The following JAKMIP1 variants were observed in gnomAD, a reference collection of about 807,000 sequenced individuals.
JAKMIP1 encodes janus kinase and microtubule-interacting protein 1.
A neutral mutation model predicts 113.0 loss-of-function variants in JAKMIP1; 33 were observed. That is an observed-to-expected ratio of 0.29 (90% confidence interval 0.22 to 0.39). The LOEUF (loss-of-function observed/expected upper bound fraction) is 0.39. JAKMIP1 is among the 10% of genes least tolerant of loss of function. The pLI is 1.00. For synonymous variants in JAKMIP1, 480 were observed against 459.9 expected (o/e 1.04, Z -0.56); for missense variants, 813 against 1,080.5 (o/e 0.75, Z 3.47).
rs146164467 is a variant in JAKMIP1 at position 6,068,597 on chromosome 4, G to A, written c.1303-3589C>T. ...TTTTGAGACAGAATCTCCTTCTGTCGCCCAGGCTGGAGAGCAGTAGTGCAA... is the reference window on the plus strand; with the variant it reads ...TTTTGAGACAGAATCTCCTTCTGTCACCCAGGCTGGAGAGCAGTAGTGCAA... On this transcript the variant is annotated intron_variant, in intron 8 of 20. Coordinates refer to ENST00000409021, the MANE Select transcript of JAKMIP1 (RefSeq NM_001099433.2). Among the ~76,000 whole-genome samples the A allele has an allele frequency of 8.1e-3, 1,097 of 135,482 alleles. 19 individuals carry two copies. The highest frequency in any genetic ancestry group is 0.03 in the African/African-American group (1,054 of 35,142). The allele number at this position is 135,482 out of a possible 152,430, so 88.9% of individuals were successfully genotyped here.
At position 6,184,369 on chromosome 4, in the gene JAKMIP1, C is replaced by G. The variant is rs1726401028; in HGVS notation, c.-148+15884G>C. Among the ~76,000 whole-genome samples the G allele has an allele frequency of 1.3e-5, 2 of 152,204 alleles. No individual in the cohort carries two copies. The highest frequency in any genetic ancestry group is 2.9e-5 in the Non-Finnish European group (2 of 68,032). ...CGAACACACGCCTCCCTACTCCCAG[C>G]CCACTGCTGGTTTTCAGACTCTGCC... On this transcript the variant is annotated intron_variant, in intron 1 of 20. Transcript: ENST00000409021. The surrounding 1 kb of genome is among the most constrained non-coding windows in gnomAD (Gnocchi z 4.5).
intron 12 of JAKMIP1, among the ~76,000 whole-genome samples, chr4:6,054,417 C>T: frequency 6.6e-6 from 1 of 152,328 alleles, no homozygotes; most frequent in Non-Finnish European, 1.5e-5. Flanking sequence ...GGGCTACTTA[C>T]ATATTTGCTG....
chr4:6,168,613 A>G lies in JAKMIP1; in HGVS notation c.-148+31640T>C, dbSNP rs558473988. Among the ~76,000 whole-genome samples, 1 of 152,186 alleles carries G rather than the reference A, an allele frequency of 6.6e-6. No homozygotes were observed. The highest frequency in any genetic ancestry group is 1.5e-5 in the Non-Finnish European group (1 of 68,032). ...AATAGGGAAATCCATAGGGATGGCCAGGCACGGTGGCTCACACCTGTAATC... is the reference window on the plus strand; with the variant it reads ...AATAGGGAAATCCATAGGGATGGCCGGGCACGGTGGCTCACACCTGTAATC... On this transcript the variant is annotated intron_variant, in intron 1 of 20. Transcript: ENST00000409021. This position sits in a 1 kb window ranked among gnomAD's most constrained non-coding sequence, Gnocchi z 4.6.
Position 6,153,024 on chromosome 4 carries a change from A to C in JAKMIP1, c.-147-40027T>G, listed in dbSNP as rs1197708830. Reference sequence around the variant, plus strand: ...TTAGCCCCAATTCTAGGAAACCCACATCACCTTCCTGTTAACCTGAGCTCA... The same window carrying C: ...TTAGCCCCAATTCTAGGAAACCCACCTCACCTTCCTGTTAACCTGAGCTCA... On this transcript the variant is annotated intron_variant, in intron 1 of 20. Coordinates refer to ENST00000409021, the MANE Select transcript of JAKMIP1 (RefSeq NM_001099433.2). The surrounding 1 kb of genome is among the most constrained non-coding windows in gnomAD (Gnocchi z 4.9). Among the ~76,000 whole-genome samples the C allele has an allele frequency of 6.6e-6, 1 of 152,008 alleles. No homozygotes were observed. The highest frequency in any genetic ancestry group is 1.9e-4 in the East Asian group (1 of 5,174).
chr4:6,096,994 C>T (rs1418476162), intron 3 of JAKMIP1, among the ~76,000 whole-genome samples: 1 of 152,170 alleles, frequency 6.6e-6, no homozygotes, highest in African/African-American at 2.4e-5. Flanking sequence ...ACCATCATTC[C>T]TGACAATGAA....
At chr4:6,053,898 T>A (rs1363751097) in intron 13 of JAKMIP1, 152 bp downstream of exon 13, 28 of 1,192,344 alleles carry the variant, frequency 2.3e-5, no homozygotes, top group South Asian at 8.9e-5. Flanking sequence ...CATACAGATT[T>A]AAAAAAAAAA....
intron 1 of JAKMIP1, among the ~76,000 whole-genome samples, chr4:6,161,186 C>A (rs1347416140): frequency 1.3e-5 from 2 of 148,876 alleles, no homozygotes; most frequent in East Asian, 4.1e-4. Flanking sequence ...ACTCACCTCC[C>A]CTGATCTCCA....
In JAKMIP1 at chr4:6,071,409, C is replaced by T. The variant is rs139037015; in HGVS notation, c.1303-6401G>A. 6.5e-3 allele frequency among the ~76,000 whole-genome samples: 991 copies of T among 152,266 alleles called. 2 individuals are homozygous for T. The highest frequency in any genetic ancestry group is 7.8e-3 in the Non-Finnish European group (529 of 68,018). ...AACCTTTGCCTCAAGCCCCTCCCCA[C>T]GGGGCCTGAAGTCACCTCCTGAAAC... On this transcript the variant is annotated intron_variant, in intron 8 of 20. Coordinates refer to ENST00000409021, the MANE Select transcript of JAKMIP1 (RefSeq NM_001099433.2).
chr4:6,122,568 A>T (rs1179223769), intron 1 of JAKMIP1, among the ~76,000 whole-genome samples: 3 of 152,242 alleles, frequency 2.0e-5, no homozygotes, highest in Non-Finnish European at 2.9e-5. Flanking sequence ...TATGAAGAAA[A>T]ATAACATAAT....
Position 6,187,368 on chromosome 4 carries a change from A to C in JAKMIP1, c.-148+12885T>G, listed in dbSNP as rs751513444. On this transcript the variant is annotated intron_variant, in intron 1 of 20. Coordinates refer to ENST00000409021, the MANE Select transcript of JAKMIP1 (RefSeq NM_001099433.2). This position sits in a 1 kb window ranked among gnomAD's most constrained non-coding sequence, Gnocchi z 4.2. ...TTTCTCATCCTTTCACTTTCAATCT[A>C]TTTGTATCCTTGAATCTAAAGTGTG... Among the ~76,000 whole-genome samples, 2 of 152,016 alleles carry C rather than the reference A, an allele frequency of 1.3e-5. No homozygotes were observed. Among genetic ancestry groups the C allele is most frequent in the Non-Finnish European group, 2.9e-5 (2 of 68,022 alleles).
chr4:6,079,277 T>G (rs192293325), intron 7 of JAKMIP1, among the ~76,000 whole-genome samples: 4 of 152,168 alleles, frequency 2.6e-5, no homozygotes. Flanking sequence ...GATAGATAGA[T>G]GTATGCATAG....
chr4:6,106,179 C>A lies in JAKMIP1; in HGVS notation c.130-212G>T, dbSNP rs1713914600. On this transcript the variant is annotated intron_variant, in intron 2 of 20. Transcript: ENST00000409021. The surrounding 1 kb of genome is among the most constrained non-coding windows in gnomAD (Gnocchi z 5.9). The stretch of plus-strand genomic sequence containing the variant: ...AATCTCTCCTGCTAGTTCCCTGAGA[C>A]TTTCCCTGGGGGTGGAAACCCCCTG... Among the ~76,000 whole-genome samples, 1 of 152,218 alleles carries A rather than the reference C, an allele frequency of 6.6e-6. No individual in the cohort carries two copies. Among genetic ancestry groups the A allele is most frequent in the Admixed American group, 6.5e-5 (1 of 15,292 alleles).
At chr4:6,102,445 CTCTTT>C (rs1713203937) in intron 3 of JAKMIP1, among the ~76,000 whole-genome samples, 1 of 152,222 alleles carries the variant, frequency 6.6e-6, no homozygotes, top group East Asian at 1.9e-4. Flanking sequence ...CTGCCTGCCT[CTCTTT>C]TGTCATTCCA....
chr4:6,066,894 T>C (rs1438196205), intron 8 of JAKMIP1, among the ~76,000 whole-genome samples: 1 of 151,686 alleles, frequency 6.6e-6, no homozygotes, highest in Non-Finnish European at 1.5e-5. Context: ...CCTCCTCCGC[T>C]CCAGGCTTCT....
chr4:6,144,354 A>G (rs1720547527), intron 1 of JAKMIP1, among the ~76,000 whole-genome samples: 1 of 152,250 alleles, frequency 6.6e-6, no homozygotes, highest in East Asian at 1.9e-4. Context: ...AAAAAGTAAA[A>G]GTGCAAAGAA....
At chr4:6,105,344 A>C in intron 3 of JAKMIP1, 129 bp downstream of exon 3, 3 of 762,226 alleles carry the variant, frequency 3.9e-6, no homozygotes, top group Non-Finnish European at 4.1e-6. Flanking sequence ...GACGGGAGGG[A>C]GGTTGCTGGG....
intron 1 of JAKMIP1, among the ~76,000 whole-genome samples, chr4:6,198,466 G>C (rs999125636): frequency 6.6e-6 from 1 of 152,236 alleles, no homozygotes; most frequent in South Asian, 2.1e-4. Flanking sequence ...GTGAGGTCGT[G>C]GGGGCGGTGG....
At chr4:6,190,935 G>A (rs987768432) in intron 1 of JAKMIP1, among the ~76,000 whole-genome samples, 11 of 152,194 alleles carry the variant, frequency 7.2e-5, no homozygotes, top group Admixed American at 1.3e-4. Context: ...AAGAGCACAG[G>A]CGGCCTGCAC....
Position 6,080,301 on chromosome 4 carries a change from C to A in JAKMIP1, c.1113G>T (p.Leu371=), listed in dbSNP as rs189367547. The A allele has an allele frequency of 2.5e-6, 4 of 1,613,914 alleles. No homozygotes were observed. In the East Asian group the frequency reaches 8.9e-5, roughly 36 times the overall value. ...TRENVEMKEK[L]SAQASLKRHT... Reference sequence around the variant, plus strand: ...GCCGCTTCAGAGACGCCTGCGCTGACAGCTTTTCTTTCTGCAGCCACAGGG... The same window carrying A: ...GCCGCTTCAGAGACGCCTGCGCTGAAAGCTTTTCTTTCTGCAGCCACAGGG... Residue 371 remains leucine, a synonymous_variant, in exon 7 of 21, where the codon CTG becomes CTT. Transcript: ENST00000409021. This position sits in a 1 kb window ranked among gnomAD's most constrained non-coding sequence, Gnocchi z 6.0.
Sources: gnomAD v4.1 joint callset for allele counts (sites outside exome capture counted in the v4.1 genomes callset) on GRCh38, gnomAD v4.1.1 for gene constraint, Gnocchi (gnomAD v3.1) non-coding constraint, MANE v1.5 for transcripts, NCBI Gene and HGNC (gene_info 2026-07-23, HGNC 2026-07-21) for gene names.